GLIS3: variants seen among roughly 807,000 people sequenced by gnomAD.
GLIS3 encodes the protein GLIS family zinc finger 3.
Under a neutral mutation model 78.6 loss-of-function variants are expected in GLIS3, and 53 were observed. That is an observed-to-expected ratio of 0.67 (90% CI 0.54 to 0.85). The LOEUF is 0.85. GLIS3 is among the 40% of genes least tolerant of loss of function. The pLI is 0.00. For missense variants in GLIS3, 1,703 were observed against 1,231.1 expected, an observed-to-expected ratio of 1.38 and a Z score of -5.74; for synonymous variants, 684 against 509.9, an observed-to-expected ratio of 1.34 and a Z score of -4.60.
chr9:4,251,952 T>C (rs557918632), intron 2 of GLIS3, among the ~76,000 whole-genome samples: 1 of 152,254 alleles, frequency 6.6e-6, no homozygotes, highest in African/African-American at 2.4e-5. Flanking sequence ...TTCTGGCTTG[T>C]AGGGTTTGTG....
At chr9:4,359,235 T>C in the GLIS3 span, among the ~76,000 whole-genome samples, 2 of 151,870 alleles carry the variant, frequency 1.3e-5, no homozygotes, top group African/African-American at 4.8e-5. Flanking sequence ...CGTGTGAATC[T>C]CCCTGAGCAC....
At chr9:4,165,669 T>A (rs1276341709) in intron 2 of GLIS3, among the ~76,000 whole-genome samples, 1 of 152,162 alleles carries the variant, frequency 6.6e-6, no homozygotes, top group Admixed American at 6.5e-5. Flanking sequence ...TCACCTAAGA[T>A]GCCACGTGGT....
chr9:4,182,928 C>A (rs1817460302), intron 2 of GLIS3, among the ~76,000 whole-genome samples: 1 of 152,204 alleles, frequency 6.6e-6, no homozygotes, highest in Non-Finnish European at 1.5e-5. Flanking sequence ...AGCAGAAATA[C>A]ATGGAACTTG....
chr9:4,034,634 A>G (rs1420032961), intron 4 of GLIS3: 2 of 152,172 alleles, frequency 1.3e-5, no homozygotes, highest in African/African-American at 2.4e-5. Context: ...AGACTGCCAC[A>G]TTTACAAGTC....
intron 6 of GLIS3, among the ~76,000 whole-genome samples, chr9:3,931,857 C>T (rs1382429264): frequency 1.3e-5 from 2 of 152,168 alleles, no homozygotes; most frequent in Non-Finnish European, 2.9e-5. Context: ...CAGAAATCTG[C>T]TTTTTCTCTA....
At chr9:4,413,038 A>C in the GLIS3 span, among the ~76,000 whole-genome samples, 1 of 152,248 alleles carries the variant, frequency 6.6e-6, no homozygotes, top group Non-Finnish European at 1.5e-5. Context: ...ACTGAGATTT[A>C]GAGTTTGTCT....
At chr9:4,110,659 G>A (rs562301447) in intron 4 of GLIS3, among the ~76,000 whole-genome samples, 3 of 152,160 alleles carry the variant, frequency 2.0e-5, no homozygotes, top group Non-Finnish European at 2.9e-5. Flanking sequence ...TAAAGCAGAC[G>A]TAAAATCAAG....
At chr9:4,117,627 C>G (rs1831762393) in intron 4 of GLIS3, 141 bp downstream of exon 4, 1 of 919,990 alleles carries the variant, frequency 1.1e-6, no homozygotes, top group Non-Finnish European at 1.8e-6. Context: ...TCCCCTTCCT[C>G]AAGCTGAAGG....
At chr9:4,436,835 A>AAAG in the GLIS3 span, among the ~76,000 whole-genome samples, 2 of 147,524 alleles carry the variant, frequency 1.4e-5, no homozygotes, top group Non-Finnish European at 3.0e-5. Flanking sequence ...AAAAAAAAAA[A>AAAG]AGAGATAGAA....
At chr9:3,905,173 G>C (rs113535837) in intron 6 of GLIS3, among the ~76,000 whole-genome samples, 3,800 of 40,126 alleles carry the variant, frequency 0.095, 176 homozygotes, top group African/African-American at 0.21. Context: ...GCTATTTTTA[G>C]TAGAGATGGG....
chr9:3,894,361 T>A (rs1822672772), intron 7 of GLIS3, among the ~76,000 whole-genome samples: 1 of 152,210 alleles, frequency 6.6e-6, no homozygotes. Context: ...TAATAACCAT[T>A]TTCTGAGAAC....
At chr9:4,433,682 A>C in the GLIS3 span, among the ~76,000 whole-genome samples, 42 of 152,342 alleles carry the variant, frequency 2.8e-4, no homozygotes, top group East Asian at 7.5e-3. Context: ...CTTATCTCTA[A>C]GTGATGCAAA....
At chr9:4,469,908 G>C in the GLIS3 span, among the ~76,000 whole-genome samples, 71 of 152,102 alleles carry the variant, frequency 4.7e-4, no homozygotes, top group African/African-American at 1.6e-3. Flanking sequence ...AAAGAAAAGA[G>C]AGAAAAATCA....
intron 4 of GLIS3, among the ~76,000 whole-genome samples, chr9:4,095,933 C>G (rs1829902120): frequency 6.9e-6 from 1 of 144,276 alleles, no homozygotes. Flanking sequence ...AGCAAGGAAT[C>G]AAACCTAAAT....
At chr9:4,116,280 G>C (rs965278412) in intron 4 of GLIS3, among the ~76,000 whole-genome samples, 3 of 152,204 alleles carry the variant, frequency 2.0e-5, no homozygotes, top group Non-Finnish European at 4.4e-5. Flanking sequence ...GCCTGCAATA[G>C]GCCGGTGTGT....
At chr9:4,464,458 A>G in the GLIS3 span, among the ~76,000 whole-genome samples, 7 of 151,848 alleles carry the variant, frequency 4.6e-5, no homozygotes, top group Admixed American at 1.3e-4. Context: ...GCAGTGGCAC[A>G]ATCTCAGTTC....
chr9:4,063,228 A>G (rs893511054), intron 4 of GLIS3, among the ~76,000 whole-genome samples: 1 of 152,172 alleles, frequency 6.6e-6, no homozygotes, highest in African/African-American at 2.4e-5. Context: ...TATTACTCAT[A>G]TGTGTTTTTA....
chr9:4,269,830 G>A (rs751345644), intron 2 of GLIS3, among the ~76,000 whole-genome samples: 26 of 152,114 alleles, frequency 1.7e-4, no homozygotes, highest in Non-Finnish European at 3.2e-4. Context: ...AGGGCAGGAC[G>A]GGAGAAACAA....
chr9:3,932,332 C>T (rs368070256), intron 6 of GLIS3, 28 bp downstream of exon 6: 35 of 1,532,020 alleles, frequency 2.3e-5, no homozygotes, highest in Non-Finnish European at 2.9e-5. Context: ...ATGCTTTTCC[C>T]GACTGGAAGA....
Sources: gnomAD v4.1 joint callset for allele counts (sites outside exome capture counted in the v4.1 genomes callset) on GRCh38, gnomAD v4.1.1 for gene constraint, MANE v1.5 for transcripts, NCBI Gene and HGNC (gene_info 2026-07-23, HGNC 2026-07-21) for gene names.